ATXN7L3: variants seen among roughly 807,000 people sequenced by gnomAD.
ATXN7L3 encodes the protein ataxin-7-like protein 3.
A neutral mutation model predicts 50.0 loss-of-function variants in ATXN7L3; 6 were observed. The observed-to-expected ratio is 0.12, with a 90% CI of 0.07 to 0.24. ATXN7L3 has a LOEUF of 0.24. Ranked by LOEUF, ATXN7L3 falls within the 10% of genes least tolerant of loss-of-function variation. ATXN7L3 has a pLI of 1.00. For synonymous variants in ATXN7L3, 198 were observed against 165.8 expected (o/e 1.19, Z -1.49); for missense variants, 322 against 451.3 (o/e 0.71, Z 2.60).
Position 44,192,141 on chromosome 17 carries a change from CA to C in ATXN7L3, c.*2121del, listed in dbSNP as rs1395481211. 5 of 152,446 alleles carry C rather than the reference CA, an allele frequency of 3.3e-5. No homozygotes were observed. Among genetic ancestry groups the C allele is most frequent in the African/African-American group, 1.2e-4 (5 of 41,426 alleles). 9.4% of individuals were successfully genotyped at this position (152,446 alleles called of 1,614,324 possible). On this transcript the variant is annotated 3_prime_UTR_variant, in exon 13 of 13. Transcript: ENST00000587097. The stretch of plus-strand genomic sequence containing the variant: ...GGTGGGAAGGATGGGAATTGAAACC[CA>C]CACAGCCTGCTGTTAGAGGGAGGGG...
chr17:44,198,889 G>A (rs965300629), intron 1 of ATXN7L3: 3 of 152,594 alleles, frequency 2.0e-5, no homozygotes, highest in African/African-American at 7.2e-5. Flanking sequence ...CCCCACCCAA[G>A]GATTCAGACA....
In ATXN7L3 at chr17:44,192,458, A is replaced by T. The variant is rs944950311; in HGVS notation, c.*1805T>A. 6.6e-6 allele frequency: 1 copy of T among 152,168 alleles called. No individual in the cohort carries two copies. Among genetic ancestry groups the T allele is most frequent in the Admixed American group, 6.5e-5 (1 of 15,282 alleles). 9.4% of individuals were successfully genotyped at this position (152,168 alleles called of 1,614,324 possible). A position where few individuals can be genotyped will look rare whatever the true frequency, so the allele number is the denominator to read the frequency against. ...GGCCTGAGCTGCAGCTGCCTCTCAGAAGGGAGAGTGGCCCACAGCCTTCCT... is the reference window on the plus strand; with the variant it reads ...GGCCTGAGCTGCAGCTGCCTCTCAGTAGGGAGAGTGGCCCACAGCCTTCCT... On this transcript the variant is annotated 3_prime_UTR_variant, in exon 13 of 13. Transcript: ENST00000587097.
chr17:44,196,702 C>T (rs553510998), intron 5 of ATXN7L3, among the ~76,000 whole-genome samples: 2 of 134,906 alleles, frequency 1.5e-5, no homozygotes, highest in South Asian at 2.4e-4. Flanking sequence ...CGCTTGAACC[C>T]GGGAGACGGA....
rs2056078498 is a variant in ATXN7L3, at chr17:44,199,775, C to T, written c.-340G>A. 6.8e-6 allele frequency: 1 copy of T among 147,782 alleles called. No individual in the cohort carries two copies. Among genetic ancestry groups the T allele is most frequent in the Admixed American group, 6.7e-5 (1 of 14,986 alleles). The allele number at this position is 147,782 out of a possible 1,614,324, so 9.2% of individuals were successfully genotyped here. A position where few individuals can be genotyped will look rare whatever the true frequency, so the allele number is the denominator to read the frequency against. ...CCGCGCGCCGTCCGCGCGCCCCTCC[C>T]CCCGCCCCCCACTCCAGCCCGCCTC... On this transcript the variant is annotated 5_prime_UTR_variant, in exon 1 of 13. Transcript: ENST00000587097.
Position 44,194,090 on chromosome 17 carries a change from G to A in ATXN7L3, c.*173C>T. ...GCACGCCGAGGAGTCGTGCTCCATT[G>A]CAGAGGACTTTGACACCCCCCAGGG... is the stretch of plus-strand genomic sequence containing the variant. On this transcript the variant is annotated 3_prime_UTR_variant, in exon 13 of 13. Coordinates refer to ENST00000587097, the MANE Select transcript of ATXN7L3 (RefSeq NM_001382309.1). The A allele has an allele frequency of 2.5e-6, 2 of 784,906 alleles. No individual in the cohort carries two copies. Among genetic ancestry groups the A allele is most frequent in the East Asian group, 5.1e-5 (2 of 39,332 alleles). 48.6% of individuals were successfully genotyped at this position (784,906 alleles called of 1,614,324 possible).
At chr17:44,195,172 T>C (rs1457151729) in intron 9 of ATXN7L3, 32 bp from the exon 10 acceptor site, 15 of 1,603,492 alleles carry the variant, frequency 9.4e-6, no homozygotes, top group Non-Finnish European at 1.3e-5. Flanking sequence ...AAAGGAGGGA[T>C]GGAAGGAACC....
At position 44,194,377 on chromosome 17, in the gene ATXN7L3, T is replaced by C. The variant is rs777564734; in HGVS notation, c.930A>G (p.Lys310=). Residue 310 remains lysine, a synonymous_variant, in exon 13 of 13, where the codon AAA becomes AAG. Coordinates refer to ENST00000587097, the MANE Select transcript of ATXN7L3 (RefSeq NM_001382309.1). ...TNSSESRKTK[K]KKSHLSLVGT... is the part of the protein sequence containing the mutation. Reference sequence around the variant, plus strand: ...CTACCAGGCTCAGATGGGATTTCTTTTTCTTGGTTTTCCGTGACTCAGAGC... The same window carrying C: ...CTACCAGGCTCAGATGGGATTTCTTCTTCTTGGTTTTCCGTGACTCAGAGC... 1 of 1,614,180 alleles carries C rather than the reference T, an allele frequency of 6.2e-7. No homozygotes were observed. Among genetic ancestry groups the C allele is most frequent in the South Asian group, 1.1e-5 (1 of 91,090 alleles).
Position 44,192,603 on chromosome 17 carries a change from G to A in ATXN7L3, c.*1660C>T, listed in dbSNP as rs751892309. The A allele has an allele frequency of 6.6e-6, 1 of 152,184 alleles. No homozygotes were observed. Among genetic ancestry groups the A allele is most frequent in the African/African-American group, 2.4e-5 (1 of 41,448 alleles). The allele number at this position is 152,184 out of a possible 1,614,324, so 9.4% of individuals were successfully genotyped here. A position where few individuals can be genotyped will look rare whatever the true frequency, so the allele number is the denominator to read the frequency against. On this transcript the variant is annotated 3_prime_UTR_variant, in exon 13 of 13. Transcript: ENST00000587097. ...ACTACGGAGGGCCAAGAATAGAGAA[G>A]CCCAGGCCCCGGGATTTATTCTAAC...
Position 44,192,244 on chromosome 17 carries a change from C to T in ATXN7L3, c.*2019G>A, listed in dbSNP as rs2055710434. 1 of 152,256 alleles carries T rather than the reference C, an allele frequency of 6.6e-6. No homozygotes were observed. The allele number at this position is 152,256 out of a possible 1,614,324, so 9.4% of individuals were successfully genotyped here. A position where few individuals can be genotyped will look rare whatever the true frequency, so the allele number is the denominator to read the frequency against. Reference sequence around the variant, plus strand: ...TCCCCAGAAGGAAAAGGGTTTGTTCCCTCAGGGTCCCTGCTGGACCAAGCC... The same window carrying T: ...TCCCCAGAAGGAAAAGGGTTTGTTCTCTCAGGGTCCCTGCTGGACCAAGCC... On this transcript the variant is annotated 3_prime_UTR_variant, in exon 13 of 13. Transcript: ENST00000587097.
At position 44,199,197 on chromosome 17, in the gene ATXN7L3, T is replaced by A. The variant is rs564571645; in HGVS notation, c.-61+299A>T. 2.0e-5 allele frequency: 3 copies of A among 147,230 alleles called. No individual in the cohort carries two copies. In the East Asian group the frequency reaches 6.3e-4, roughly 31 times the overall value. 9.1% of individuals were successfully genotyped at this position (147,230 alleles called of 1,614,324 possible). On this transcript the variant is annotated intron_variant, in intron 1 of 12. Transcript: ENST00000587097. ...AGCCCCGGCCGGCCGGGGAGAGGAGTCCGGGAGGGTGTCTCTATTGTCCCG... is the reference window on the plus strand; with the variant it reads ...AGCCCCGGCCGGCCGGGGAGAGGAGACCGGGAGGGTGTCTCTATTGTCCCG...
At chr17:44,194,934 G>A (rs1251520513) in intron 10 of ATXN7L3, 95 bp from the exon 11 acceptor site, 1 of 1,495,580 alleles carries the variant, frequency 6.7e-7, no homozygotes, top group South Asian at 1.1e-5. Context: ...CAGGGAAGGG[G>A]TGAATGCAGA....
At chr17:44,196,707 G>A (rs913599320) in intron 5 of ATXN7L3, among the ~76,000 whole-genome samples, 2 of 143,064 alleles carry the variant, frequency 1.4e-5, no homozygotes, top group Non-Finnish European at 3.0e-5. Context: ...GAACCCGGGA[G>A]ACGGAGGTTG....
At chr17:44,195,597 C>T (rs570629422) in intron 8 of ATXN7L3, 110 bp from the exon 9 acceptor site, 24 of 1,282,932 alleles carry the variant, frequency 1.9e-5, no homozygotes, top group African/African-American at 4.4e-5. Context: ...GGCTTTAGAA[C>T]GACCCTGCCG....
At chr17:44,198,361 G>GA in intron 1 of ATXN7L3, 1 of 409,280 alleles carries the variant, frequency 2.4e-6, no homozygotes. Context: ...ATCAGAGTCT[G>GA]GGTCTATAGG....
intron 9 of ATXN7L3, 78 bp from the exon 10 acceptor site, chr17:44,195,218 G>A (rs11652516): frequency 0.074 from 112,080 of 1,511,930 alleles, 4,658 homozygotes; most frequent in Non-Finnish European, 0.084. Context: ...CTGTATAAAT[G>A]CTAGATAGCA....
intron 1 of ATXN7L3, 174 bp from the exon 2 acceptor site, chr17:44,198,304 G>A: frequency 1.9e-6 from 1 of 524,924 alleles, no homozygotes; most frequent in South Asian, 2.8e-5. Flanking sequence ...CCTAAAGGGG[G>A]CCTAGTCTTT....
At chr17:44,195,249 G>A (rs1325600420) in intron 9 of ATXN7L3, 109 bp from the exon 10 acceptor site, 1 of 1,391,804 alleles carries the variant, frequency 7.2e-7, no homozygotes, top group African/African-American at 1.4e-5. Context: ...TGGCCCAAAG[G>A]TGTCCAGAGC....
rs574938851 is a variant in ATXN7L3 at position 44,193,926 on chromosome 17, G to C, written c.*337C>G. The C allele has an allele frequency of 1.2e-5, 3 of 257,310 alleles. No individual in the cohort carries two copies. The highest frequency in any genetic ancestry group is 2.3e-5 in the African/African-American group (1 of 44,178). 15.9% of individuals were successfully genotyped at this position (257,310 alleles called of 1,614,324 possible). A position where few individuals can be genotyped will look rare whatever the true frequency, so the allele number is the denominator to read the frequency against. On this transcript the variant is annotated 3_prime_UTR_variant, in exon 13 of 13. Coordinates refer to ENST00000587097, the MANE Select transcript of ATXN7L3 (RefSeq NM_001382309.1). ...GGGCTTAGTCCAGTTCCTGGGGTGG[G>C]GGGCAGGCAGTGCCCTGGCACAGTG...
At chr17:44,195,678 G>A (rs1200273485) in intron 8 of ATXN7L3, 122 bp downstream of exon 8, 9 of 1,254,072 alleles carry the variant, frequency 7.2e-6, no homozygotes, top group South Asian at 1.2e-5. Context: ...ACATAAATAT[G>A]TAAGATCCAA....
Sources: gnomAD v4.1 joint callset for allele counts (sites outside exome capture counted in the v4.1 genomes callset) on GRCh38, gnomAD v4.1.1 for gene constraint, MANE v1.5 for transcripts, NCBI Gene and HGNC (gene_info 2026-07-23, HGNC 2026-07-21) for gene names.